NCOA1: variants seen among roughly 807,000 people sequenced by gnomAD.
NCOA1 encodes the protein nuclear receptor coactivator 1, also known as Hin-2 protein.
NCOA1 carries 35 observed loss-of-function variants against 150.9 expected under a neutral mutation model. The observed-to-expected ratio is 0.23, with a 90% confidence interval of 0.18 to 0.31. The LOEUF is 0.31. NCOA1 is among the 10% of genes least tolerant of loss of function. The pLI is 1.00. For missense variants in NCOA1, 1,491 were observed against 1,749.3 expected, an observed-to-expected ratio of 0.85 and a Z score of 2.63; for synonymous variants, 590 against 630.0, an observed-to-expected ratio of 0.94 and a Z score of 0.95.
intron 1 of NCOA1, among the ~76,000 whole-genome samples, chr2:24,522,891 A>T (rs914180413): frequency 6.6e-6 from 1 of 152,160 alleles, no homozygotes; most frequent in Non-Finnish European, 1.5e-5. Flanking sequence ...TAGTACTCAT[A>T]CTCTTAGGAG....
chr2:24,516,928 G>A (rs1336260198), intron 1 of NCOA1, among the ~76,000 whole-genome samples: 50 of 29,378 alleles, frequency 1.7e-3, no homozygotes, highest in African/African-American at 2.9e-3. Flanking sequence ...GTGTGCGCGC[G>A]TGTGTATATA....
chr2:24,706,660 C>A lies in NCOA1; in HGVS notation c.1190C>A (p.Ala397Asp). 1 of 1,614,238 alleles carries A rather than the reference C, an allele frequency of 6.2e-7. No individual in the cohort carries two copies. The highest frequency in any genetic ancestry group is 8.5e-7 in the Non-Finnish European group (1 of 1,180,040). The change falls in exon 13 of 23, where the codon GCT (alanine) becomes GAT (aspartate). Residue 397 changes from alanine to aspartate, a missense_variant. Coordinates refer to ENST00000348332, the MANE Select transcript of NCOA1 (RefSeq NM_003743.5). ...TCGGTCAATCCTAGTATCTCTCCAG[C>A]TCATGGTGTGGCTCGTTCATCCACA... ...NPSVNPSISP[A>D]HGVARSSTLP...
At chr2:24,566,689 T>C (rs1300679048) in intron 2 of NCOA1, among the ~76,000 whole-genome samples, 2 of 152,208 alleles carry the variant, frequency 1.3e-5, no homozygotes, top group Admixed American at 1.3e-4. Context: ...CCTACCATTG[T>C]TCATGGTGCC....
intron 1 of NCOA1, among the ~76,000 whole-genome samples, chr2:24,494,498 C>G (rs1425456797): frequency 6.6e-6 from 1 of 152,136 alleles, no homozygotes; most frequent in Non-Finnish European, 1.5e-5. Flanking sequence ...GTCAATACAA[C>G]GCACAACACG....
intron 3 of NCOA1, among the ~76,000 whole-genome samples, chr2:24,630,913 T>C (rs1669680073): frequency 6.6e-6 from 1 of 152,204 alleles, no homozygotes; most frequent in African/African-American, 2.4e-5. Context: ...GTATCGAATA[T>C]TTTACAGCAT....
chr2:24,609,825 A>G (rs1385827049), intron 3 of NCOA1, among the ~76,000 whole-genome samples: 1 of 151,934 alleles, frequency 6.6e-6, no homozygotes, highest in Non-Finnish European at 1.5e-5. Flanking sequence ...ATGGGAATAC[A>G]TTCTCTGAGT....
At chr2:24,548,697 A>G (rs895300716) in intron 1 of NCOA1, among the ~76,000 whole-genome samples, 2 of 152,226 alleles carry the variant, frequency 1.3e-5, no homozygotes, top group Admixed American at 6.5e-5. Flanking sequence ...CAAAGGGGCT[A>G]CAGGTCCCAA....
chr2:24,741,545 T>G (rs1018132279), intron 18 of NCOA1, among the ~76,000 whole-genome samples: 1 of 152,232 alleles, frequency 6.6e-6, no homozygotes, highest in African/African-American at 2.4e-5. Context: ...TTTATAATGG[T>G]CAGATATTGT....
At chr2:24,601,531 A>G (rs1401140860) in intron 3 of NCOA1, among the ~76,000 whole-genome samples, 1 of 151,860 alleles carries the variant, frequency 6.6e-6, no homozygotes, top group Non-Finnish European at 1.5e-5. Flanking sequence ...ATAACACCTT[A>G]ATGCCACATC....
At chr2:24,745,913 T>C (rs1250529101) in intron 19 of NCOA1, among the ~76,000 whole-genome samples, 2 of 152,224 alleles carry the variant, frequency 1.3e-5, no homozygotes, top group South Asian at 2.1e-4. Flanking sequence ...AAAGTATTCT[T>C]CCTTTACTTC....
At chr2:24,739,158 T>C (rs1663476979) in intron 17 of NCOA1, among the ~76,000 whole-genome samples, 2 of 152,168 alleles carry the variant, frequency 1.3e-5, no homozygotes, top group Non-Finnish European at 2.9e-5. Context: ...GTTTGTTTGT[T>C]TGTTTTTGAG....
chr2:24,768,478 T>A lies in NCOA1; in HGVS notation c.*87T>A. On this transcript the variant is annotated 3_prime_UTR_variant, in exon 23 of 23. Transcript: ENST00000348332. ...ATATTTTTCTGAGATTTTTGATATC[T>A]CAATCTGCAGCCATTCTTCAGGTCG... The A allele has an allele frequency of 2.2e-6, 1 of 448,488 alleles. No homozygotes were observed. Among genetic ancestry groups the A allele is most frequent in the Non-Finnish European group, 3.1e-6 (1 of 324,670 alleles). The allele number at this position is 448,488 out of a possible 1,614,324, so 27.8% of individuals were successfully genotyped here.
chr2:24,625,539 T>C (rs1669370726), intron 3 of NCOA1, among the ~76,000 whole-genome samples: 1 of 152,182 alleles, frequency 6.6e-6, no homozygotes, highest in Non-Finnish European at 1.5e-5. Flanking sequence ...CTTCTTTCTT[T>C]TACTTCCTTT....
At chr2:24,623,266 A>G (rs1298106468) in intron 3 of NCOA1, among the ~76,000 whole-genome samples, 1 of 152,218 alleles carries the variant, frequency 6.6e-6, no homozygotes, top group Non-Finnish European at 1.5e-5. Context: ...ATATAGTAAG[A>G]GTATGAGAAT....
Position 24,726,821 on chromosome 2 carries a change from T to C in NCOA1, c.2717+115T>C, listed in dbSNP as rs1572647664. ...TGGTATTTTGTGAGATATTAATAGA[T>C]GTAAATACTTACTAAAAAAAAAAAA... On this transcript the variant is annotated intron_variant, in intron 15 of 22. Coordinates refer to ENST00000348332, the MANE Select transcript of NCOA1 (RefSeq NM_003743.5). The C allele has an allele frequency of 2.8e-5, 12 of 433,924 alleles. No individual in the cohort carries two copies. In the East Asian group the frequency reaches 4.9e-4, roughly 18 times the overall value. 26.9% of individuals were successfully genotyped at this position (433,924 alleles called of 1,614,324 possible).
chr2:24,623,644 A>C (rs1160066073), intron 3 of NCOA1, among the ~76,000 whole-genome samples: 1 of 152,214 alleles, frequency 6.6e-6, no homozygotes, highest in Admixed American at 6.5e-5. Flanking sequence ...GGTTTAAACA[A>C]CAGAAATTTA....
chr2:24,655,845 T>A (rs1381152022), intron 4 of NCOA1, among the ~76,000 whole-genome samples: 1 of 152,052 alleles, frequency 6.6e-6, no homozygotes, highest in Non-Finnish European at 1.5e-5. Flanking sequence ...TCCCAGCACT[T>A]TGGGAGGCCG....
chr2:24,561,880 C>G (rs567140129), intron 1 of NCOA1, among the ~76,000 whole-genome samples: 3 of 151,986 alleles, frequency 2.0e-5, no homozygotes, highest in Non-Finnish European at 4.4e-5. Context: ...ACCTTATGGG[C>G]AAACAAAGGA....
intron 21 of NCOA1, among the ~76,000 whole-genome samples, chr2:24,761,272 C>T (rs936697853): frequency 6.6e-6 from 1 of 152,206 alleles, no homozygotes; most frequent in Non-Finnish European, 1.5e-5. Flanking sequence ...CACCGATTCT[C>T]TAGGTTTGGG....
Sources: allele counts gnomAD v4.1 joint callset (sites outside exome capture counted in the v4.1 genomes callset), GRCh38; gene constraint gnomAD v4.1.1; transcripts MANE v1.5; gene names NCBI Gene and HGNC (gene_info 2026-07-23, HGNC 2026-07-21).